GARRE1: variants seen among roughly 807,000 people sequenced by gnomAD.
The protein encoded by GARRE1 is granule associated Rac and RHOG effector protein 1.
Under a neutral mutation model 103.2 loss-of-function variants are expected in GARRE1, and 49 were observed. The ratio of observed to expected loss-of-function variants is 0.47; its 90% confidence interval spans 0.38 to 0.60. The LOEUF (loss-of-function observed/expected upper bound fraction) is 0.60. GARRE1 is among the 20% of genes least tolerant of loss of function. The probability of loss-of-function intolerance (pLI) is 0.00; values close to 1 mark genes in which losing one functional copy is unlikely to be tolerated. For synonymous variants in GARRE1, 505 were observed against 532.8 expected (o/e 0.95, Z 0.72); for missense variants, 1,199 against 1,370.5 (o/e 0.87, Z 1.98).
chr19:34,313,857 G>A (rs747301291), intron 2 of GARRE1, among the ~76,000 whole-genome samples: 29 of 152,284 alleles, frequency 1.9e-4, no homozygotes, highest in Non-Finnish European at 7.4e-5. Flanking sequence ...CTGGAGTGCA[G>A]TGATGTGATC....
chr19:34,296,641 A>G (rs890032183), intron 1 of GARRE1: 4 of 1,076,046 alleles, frequency 3.7e-6, no homozygotes, highest in Admixed American at 1.8e-5. Context: ...GGGTCCATCC[A>G]CTTAAGAGAT....
At chr19:34,349,420 C>A (rs950553497) in intron 12 of GARRE1, among the ~76,000 whole-genome samples, 3 of 152,212 alleles carry the variant, frequency 2.0e-5, no homozygotes, top group African/African-American at 7.2e-5. Flanking sequence ...GCACCCATTT[C>A]TGTGGGAAGA....
At chr19:34,307,606 CAT>C (rs1478178885) in intron 2 of GARRE1, among the ~76,000 whole-genome samples, 16 of 143,442 alleles carry the variant, frequency 1.1e-4, no homozygotes, top group Admixed American at 2.9e-4. Flanking sequence ...TACGCACACA[CAT>C]ACATATATAT....
intron 13 of GARRE1, among the ~76,000 whole-genome samples, chr19:34,351,994 AG>A (rs1432188717): frequency 6.6e-6 from 1 of 152,162 alleles, no homozygotes; most frequent in Admixed American, 6.6e-5. Flanking sequence ...GCTGCCCAGG[AG>A]GCTGAGGCAG....
chr19:34,344,973 G>A (rs1196574553), intron 10 of GARRE1, among the ~76,000 whole-genome samples: 1 of 152,164 alleles, frequency 6.6e-6, no homozygotes, highest in Non-Finnish European at 1.5e-5. Context: ...TGAGTAGCTA[G>A]GACTACAGGC....
rs769176897 is a variant in GARRE1 at position 34,300,863 on chromosome 19, G to A, written c.390G>A (p.Arg130=). The change falls in exon 2 of 14, where the codon CGG becomes CGA. Residue 130 remains arginine (R), a synonymous_variant. Transcript: ENST00000299505. ...VQEHVMEAAS[R]LTSAIKPEIA... is the part of the protein sequence containing the mutation. ...AGCATGTCATGGAAGCAGCCAGTCG[G>A]CTGACCTCGGCCATAAAGCCTGAGA... The A allele has an allele frequency of 1.2e-6, 2 of 1,613,430 alleles. No homozygotes were observed. The highest frequency in any genetic ancestry group is 1.3e-5 in the African/African-American group (1 of 75,072).
chr19:34,328,255 G>C, intron 6 of GARRE1, 104 bp downstream of exon 6: 1 of 1,336,398 alleles, frequency 7.5e-7, no homozygotes, highest in Non-Finnish European at 1.0e-6. Context: ...AAAAAATGGG[G>C]CCGGGCGTGG....
chr19:34,275,041 C>T (rs1286829632), intron 1 of GARRE1, among the ~76,000 whole-genome samples: 1 of 152,068 alleles, frequency 6.6e-6, no homozygotes, highest in Non-Finnish European at 1.5e-5. Flanking sequence ...AATGGTTGGG[C>T]TTTGAACTTC....
chr19:34,342,080 G>A lies in GARRE1; in HGVS notation c.2146G>A (p.Gly716Arg). The change falls in exon 10 of 14, where the codon GGA becomes AGA. Residue 716 changes from glycine (G) to arginine (R), a missense_variant. Coordinates refer to ENST00000299505, the MANE Select transcript of GARRE1 (RefSeq NM_014686.5). ...ACACACACCTCTGACACCCCAGCCG[G>A]GACTGGCACCTCAGCAGCAGTCCCC... ...GAHTPLTPQP[G>R]LAPQQQSPKQ... The A allele has an allele frequency of 6.2e-7, 1 of 1,614,100 alleles. No homozygotes were observed. The highest frequency in any genetic ancestry group is 1.7e-5 in the Admixed American group (1 of 60,014).
intron 3 of GARRE1, among the ~76,000 whole-genome samples, chr19:34,325,478 A>C (rs1218878749): frequency 6.6e-6 from 1 of 152,164 alleles, no homozygotes; most frequent in African/African-American, 2.4e-5. Context: ...GAGAAACCTG[A>C]GATTTATCCT....
In GARRE1 at chr19:34,301,981, C is replaced by CGTTTTTT. The variant is rs1322311203; in HGVS notation, c.495+1013_495+1014insGTTTTTT. Among the ~76,000 whole-genome samples the CGTTTTTT allele has an allele frequency of 1.1e-4, 8 of 73,602 alleles. No individual in the cohort carries two copies. In the East Asian group the frequency reaches 1.9e-3, roughly 18 times the overall value. 48.3% of individuals were successfully genotyped at this position (73,602 alleles called of 152,430 possible). A position where few individuals can be genotyped will look rare whatever the true frequency, so the allele number is the denominator to read the frequency against. ...TACAGGTGTGAGCCACTGCGCCCAG[C>CGTTTTTT]CTTTTTTTTTTTTTTTTTTTTTTTT... On this transcript the variant is annotated intron_variant, in intron 2 of 13. Transcript: ENST00000299505.
chr19:34,338,746 A>G (rs568000050), intron 8 of GARRE1, among the ~76,000 whole-genome samples: 15 of 152,352 alleles, frequency 9.8e-5, no homozygotes, highest in South Asian at 8.3e-4. Flanking sequence ...GGCTGGGCAC[A>G]GAGGGCTTTG....
At chr19:34,268,054 G>A (rs911399832) in intron 1 of GARRE1, among the ~76,000 whole-genome samples, 1 of 151,582 alleles carries the variant, frequency 6.6e-6, no homozygotes, top group Non-Finnish European at 1.5e-5. Context: ...TTAGAGGCGT[G>A]AACCACTGCA....
intron 2 of GARRE1, among the ~76,000 whole-genome samples, chr19:34,318,316 G>A (rs747855742): frequency 2.6e-5 from 4 of 152,232 alleles, no homozygotes; most frequent in Non-Finnish European, 5.9e-5. Flanking sequence ...CACCTGAGGG[G>A]AGAGGAAGGT....
intron 1 of GARRE1, among the ~76,000 whole-genome samples, chr19:34,289,306 G>T (rs1265897039): frequency 6.6e-6 from 1 of 152,100 alleles, no homozygotes; most frequent in Non-Finnish European, 1.5e-5. Context: ...GGTGATGCAT[G>T]CCTGTAGTTC....
intron 9 of GARRE1, 25 bp downstream of exon 9, chr19:34,340,017 A>G (rs199945585): frequency 1.2e-6 from 2 of 1,613,662 alleles, no homozygotes; most frequent in East Asian, 2.2e-5. Context: ...TTTGCATTAG[A>G]TGCATACCGA....
At chr19:34,257,251 G>T (rs1009804342) in intron 1 of GARRE1, among the ~76,000 whole-genome samples, 1 of 151,746 alleles carries the variant, frequency 6.6e-6, no homozygotes, top group African/African-American at 2.4e-5. Context: ...AATACATCAG[G>T]ATCCATGTGT....
intron 3 of GARRE1, among the ~76,000 whole-genome samples, chr19:34,324,499 T>G (rs1322964003): frequency 6.7e-6 from 1 of 150,150 alleles, no homozygotes; most frequent in African/African-American, 2.4e-5. Flanking sequence ...ATATCACCAG[T>G]GCACTTTTTT....
At chr19:34,293,850 T>G (rs530519760) in intron 1 of GARRE1, among the ~76,000 whole-genome samples, 1 of 139,636 alleles carries the variant, frequency 7.2e-6, no homozygotes, top group Admixed American at 8.0e-5. Context: ...CCTCCGCCTC[T>G]CAGGTTGGAG....
Sources: gnomAD v4.1 joint callset for allele counts (sites outside exome capture counted in the v4.1 genomes callset) on GRCh38, gnomAD v4.1.1 for gene constraint, MANE v1.5 for transcripts, NCBI Gene and HGNC (gene_info 2026-07-23, HGNC 2026-07-21) for gene names.